RERE: variants seen among roughly 807,000 people sequenced by gnomAD.
The protein encoded by RERE is arginine-glutamic acid dipeptide repeats protein.
RERE carries 40 observed loss-of-function variants against 146.1 expected under a neutral mutation model. That is an observed-to-expected ratio of 0.27 (90% confidence interval 0.21 to 0.36). The LOEUF (loss-of-function observed/expected upper bound fraction) is 0.36. RERE is among the 10% of genes least tolerant of loss of function. The pLI is 1.00. For missense variants in RERE, 1,933 were observed against 2,138.7 expected (o/e 0.90, Z 1.90); for synonymous variants, 1,003 against 866.0 (o/e 1.16, Z -2.78).
chr1:8,583,783 A>AT (rs965758772), intron 4 of RERE, among the ~76,000 whole-genome samples: 22 of 152,024 alleles, frequency 1.4e-4, no homozygotes, highest in Non-Finnish European at 2.2e-4. Flanking sequence ...GCAAGCTGCC[A>AT]TTTTTTTAAC....
At chr1:8,584,907 G>A (rs1256829030) in intron 4 of RERE, among the ~76,000 whole-genome samples, 1 of 152,156 alleles carries the variant, frequency 6.6e-6, no homozygotes, top group East Asian at 1.9e-4. Flanking sequence ...CAGCACTTAA[G>A]GAGGCCAAGG....
intron 6 of RERE, among the ~76,000 whole-genome samples, chr1:8,547,175 C>G (rs1284823581): frequency 6.6e-6 from 1 of 150,904 alleles, no homozygotes; most frequent in Non-Finnish European, 1.5e-5. Context: ...TACTATAAAG[C>G]CTCTGTAATT....
intron 1 of RERE, among the ~76,000 whole-genome samples, chr1:8,796,282 C>G (rs1223708968): frequency 6.6e-6 from 1 of 152,112 alleles, no homozygotes; most frequent in Non-Finnish European, 1.5e-5. Flanking sequence ...GTGGAAACAT[C>G]CACAGGCTAA....
chr1:8,517,504 GC>G (rs1221269128), intron 7 of RERE, among the ~76,000 whole-genome samples: 1 of 152,100 alleles, frequency 6.6e-6, no homozygotes, highest in Non-Finnish European at 1.5e-5. Flanking sequence ...ATCATCCCCA[GC>G]AAAAGAAGGA....
chr1:8,377,910 A>G (rs1000682457), intron 12 of RERE, among the ~76,000 whole-genome samples: 2 of 152,210 alleles, frequency 1.3e-5, no homozygotes, highest in Non-Finnish European at 2.9e-5. Context: ...TGAGCTCAGA[A>G]AAGATAGTTA....
intron 11 of RERE, among the ~76,000 whole-genome samples, chr1:8,434,258 G>T (rs1034368478): frequency 3.3e-5 from 5 of 152,114 alleles, no homozygotes; most frequent in African/African-American, 4.8e-5. Flanking sequence ...CTCTTCTGAT[G>T]ATATGCTCAG....
At chr1:8,792,226 T>A (rs1641376623) in intron 1 of RERE, among the ~76,000 whole-genome samples, 1 of 152,244 alleles carries the variant, frequency 6.6e-6, no homozygotes, top group Non-Finnish European at 1.5e-5. Flanking sequence ...TATAGCTTTA[T>A]CTATGCACAT....
chr1:8,601,259 CCACCCTCCT>C, intron 4 of RERE, among the ~76,000 whole-genome samples: 1 of 152,008 alleles, frequency 6.6e-6, no homozygotes, highest in South Asian at 2.1e-4. Flanking sequence ...CTCCAGTGAC[CCACCCTCCT>C]CAGCCTCCCA....
At chr1:8,556,779 T>C (rs1473420) in intron 5 of RERE, among the ~76,000 whole-genome samples, 1 of 151,940 alleles carries the variant, frequency 6.6e-6, no homozygotes, top group African/African-American at 2.4e-5. Flanking sequence ...AGTATCTTCT[T>C]GGCTATGTTT....
At chr1:8,642,938 G>A in intron 2 of RERE, among the ~76,000 whole-genome samples, 1 of 152,176 alleles carries the variant, frequency 6.6e-6, no homozygotes, top group Non-Finnish European at 1.5e-5. Context: ...AGCTAACTCT[G>A]CCTGCGCTAA....
intron 7 of RERE, among the ~76,000 whole-genome samples, chr1:8,529,287 C>CTTTTTTTTTTTTTTTTTTTTTTTTTT (rs34547801): frequency 2.9e-5 from 3 of 102,446 alleles, no homozygotes; most frequent in African/African-American, 1.2e-4. Flanking sequence ...GTTCTCCCTT[C>CTTTTTTTTTTTTTTTTTTTTTTTTTT]TTTTTTTTTT....
chr1:8,672,504 C>A (rs1178225915), intron 1 of RERE, among the ~76,000 whole-genome samples: 1 of 152,198 alleles, frequency 6.6e-6, no homozygotes, highest in Non-Finnish European at 1.5e-5. Context: ...ATCAAATTAT[C>A]AAATTCTGGC....
rs552283711 is a variant in RERE at position 8,394,094 on chromosome 1, T to C, written c.1285-28120A>G. On this transcript the variant is annotated intron_variant, in intron 12 of 22. Coordinates refer to ENST00000400908, the MANE Select transcript of RERE (RefSeq NM_001042681.2). ...AAAGACAAGATGAAGGATGGTGACC[T>C]ATACTTTGGGAAAACCAAATTAGCT... 7.2e-5 allele frequency among the ~76,000 whole-genome samples: 11 copies of C among 152,306 alleles called. No homozygotes were observed. The South Asian group carries it at 1.4e-3, about 20-fold the overall frequency.
intron 8 of RERE, among the ~76,000 whole-genome samples, chr1:8,502,597 C>T (rs1557662218): frequency 6.7e-6 from 1 of 148,398 alleles, no homozygotes; most frequent in Non-Finnish European, 1.5e-5. Context: ...TGCCCAGCGG[C>T]TCATTGGGGA....
chr1:8,635,624 C>T lies in RERE; in HGVS notation c.326-11244G>A, dbSNP rs973467730. On this transcript the variant is annotated intron_variant, in intron 2 of 22. Transcript: ENST00000400908. ...CTTGGAAAAATTACGTTTTGAACATCTGCGAAGACAAAATGTATGAGAACT... is the reference window on the plus strand; with the variant it reads ...CTTGGAAAAATTACGTTTTGAACATTTGCGAAGACAAAATGTATGAGAACT... Among the ~76,000 whole-genome samples, 3 of 152,092 alleles carry T rather than the reference C, an allele frequency of 2.0e-5. No homozygotes were observed. The East Asian group carries it at 5.8e-4, about 29-fold the overall frequency.
chr1:8,611,010 C>T (rs1337938803), intron 4 of RERE, among the ~76,000 whole-genome samples: 2 of 151,594 alleles, frequency 1.3e-5, no homozygotes, highest in South Asian at 2.1e-4. Flanking sequence ...CCGGCTAACA[C>T]AGTGAAACCC....
At chr1:8,453,943 C>T (rs1172263743) in intron 11 of RERE, among the ~76,000 whole-genome samples, 1 of 152,164 alleles carries the variant, frequency 6.6e-6, no homozygotes, top group Non-Finnish European at 1.5e-5. Flanking sequence ...TTAGGATGAA[C>T]ATGTCTGTTT....
intron 4 of RERE, among the ~76,000 whole-genome samples, chr1:8,603,828 C>T (rs1199945115): frequency 6.6e-6 from 1 of 150,800 alleles, no homozygotes; most frequent in Non-Finnish European, 1.5e-5. Context: ...CATGGTGGCC[C>T]GTGCCTGTAG....
intron 1 of RERE, among the ~76,000 whole-genome samples, chr1:8,730,798 T>TA (rs774853745): frequency 3.7e-4 from 57 of 152,342 alleles, no homozygotes; most frequent in Admixed American, 5.9e-4. Context: ...CTTTGTACTT[T>TA]ATCTGTGAAC....
Sources: gnomAD v4.1 joint callset for allele counts (sites outside exome capture counted in the v4.1 genomes callset) on GRCh38, gnomAD v4.1.1 for gene constraint, MANE v1.5 for transcripts, NCBI Gene and HGNC (gene_info 2026-07-23, HGNC 2026-07-21) for gene names.